ME1: variants seen among roughly 807,000 people sequenced by gnomAD.
ME1 encodes NADP-dependent malic enzyme.
ME1 carries 74 observed loss-of-function variants against 66.4 expected under a neutral mutation model. The observed-to-expected ratio is 1.11, with a 90% CI of 0.92 to 1.35. ME1 has a LOEUF of 1.35. ME1 is among the 40% of genes most tolerant of loss of function. The pLI is 0.00. For synonymous variants in ME1, 251 were observed against 235.6 expected, an observed-to-expected ratio of 1.07 and a Z score of -0.60; for missense variants, 750 against 694.1, an observed-to-expected ratio of 1.08 and a Z score of -0.90.
chr6:83,219,554 T>C (rs1047669853), intron 12 of ME1, among the ~76,000 whole-genome samples: 1 of 152,136 alleles, frequency 6.6e-6, no homozygotes, highest in Non-Finnish European at 1.5e-5. Context: ...ACAGTGTCTG[T>C]CAGAAAAGTA....
intron 6 of ME1, among the ~76,000 whole-genome samples, chr6:83,309,049 G>C (rs1248174689): frequency 6.6e-6 from 1 of 152,088 alleles, no homozygotes. Flanking sequence ...TGGGCAAGGG[G>C]GGAAACTAGG....
At chr6:83,317,927 C>A (rs1028781582) in intron 5 of ME1, among the ~76,000 whole-genome samples, 6 of 152,060 alleles carry the variant, frequency 3.9e-5, no homozygotes, top group Admixed American at 1.3e-4. Flanking sequence ...GTAACCAAAA[C>A]AGCATGGTAC....
At position 83,211,162 on chromosome 6, in the gene ME1, C is replaced by G; in HGVS notation, c.*762G>C. The G allele has an allele frequency of 6.6e-6, 1 of 152,280 alleles. No individual in the cohort carries two copies. The highest frequency in any genetic ancestry group is 1.9e-4 in the East Asian group (1 of 5,188). The allele number at this position is 152,280 out of a possible 1,614,324, so 9.4% of individuals were successfully genotyped here. ...GCTGTGCTGAACTGAAGGTGCCAAC[C>G]TCGGGACAGGGGCCACAGTCCACAA... On this transcript the variant is annotated 3_prime_UTR_variant, in exon 14 of 14. Transcript: ENST00000369705.
intron 10 of ME1, among the ~76,000 whole-genome samples, chr6:83,228,040 CTT>C (rs1224466496): frequency 6.6e-6 from 1 of 152,126 alleles, no homozygotes; most frequent in African/African-American, 2.4e-5. Flanking sequence ...GGAGTAAGTA[CTT>C]CTTTTATTGT....
At chr6:83,313,985 T>C (rs1408965320) in intron 6 of ME1, among the ~76,000 whole-genome samples, 1 of 152,062 alleles carries the variant, frequency 6.6e-6, no homozygotes, top group African/African-American at 2.4e-5. Flanking sequence ...AAATAAACAT[T>C]ATAATAAAAA....
intron 6 of ME1, among the ~76,000 whole-genome samples, chr6:83,289,999 G>A (rs897283708): frequency 2.0e-5 from 3 of 151,946 alleles, no homozygotes; most frequent in African/African-American, 7.3e-5. Flanking sequence ...CATTTTTATT[G>A]CATCTATTTG....
chr6:83,280,021 A>G (rs981424831), intron 6 of ME1, among the ~76,000 whole-genome samples: 1 of 152,182 alleles, frequency 6.6e-6, no homozygotes, highest in Non-Finnish European at 1.5e-5. Flanking sequence ...TGCATCATGT[A>G]ATACACTGAT....
chr6:83,388,085 TCC>T, intron 3 of ME1, among the ~76,000 whole-genome samples: 1 of 137,296 alleles, frequency 7.3e-6, no homozygotes, highest in Non-Finnish European at 1.6e-5. Context: ...TTTCCTTCCT[TCC>T]TTCCTTTTTT....
intron 3 of ME1, among the ~76,000 whole-genome samples, chr6:83,363,005 A>C (rs150894298): frequency 5.1e-4 from 78 of 152,310 alleles, no homozygotes; most frequent in Non-Finnish European, 9.4e-4. Context: ...CTAGGTGACA[A>C]TACTTTGCAG....
intron 6 of ME1, among the ~76,000 whole-genome samples, chr6:83,312,604 G>T (rs936162031): frequency 6.6e-6 from 1 of 152,140 alleles, no homozygotes; most frequent in Admixed American, 6.5e-5. Flanking sequence ...GGAGGTTGAT[G>T]GGCAGAAATT....
intron 9 of ME1, among the ~76,000 whole-genome samples, chr6:83,231,000 A>T (rs972781849): frequency 6.6e-6 from 1 of 152,210 alleles, no homozygotes; most frequent in Non-Finnish European, 1.5e-5. Flanking sequence ...ATGATCTATC[A>T]TATCCCTACC....
chr6:83,316,374 C>T (rs1277656583), intron 5 of ME1, among the ~76,000 whole-genome samples: 2 of 151,652 alleles, frequency 1.3e-5, no homozygotes, highest in African/African-American at 4.8e-5. Context: ...TATAACATAC[C>T]CATTCATAAC....
At chr6:83,236,194 C>G (rs1181028228) in intron 9 of ME1, among the ~76,000 whole-genome samples, 1 of 151,988 alleles carries the variant, frequency 6.6e-6, no homozygotes, top group African/African-American at 2.4e-5. Context: ...TGACAATCAT[C>G]CTTTATTTAG....
At chr6:83,254,431 C>A (rs531745914) in intron 6 of ME1, among the ~76,000 whole-genome samples, 2 of 152,170 alleles carry the variant, frequency 1.3e-5, no homozygotes, top group African/African-American at 4.8e-5. Context: ...TTAATCACTT[C>A]CCAAAAGGCC....
chr6:83,318,183 T>C (rs1307481884), intron 5 of ME1, among the ~76,000 whole-genome samples: 2 of 147,368 alleles, frequency 1.4e-5, no homozygotes, highest in Non-Finnish European at 3.0e-5. Flanking sequence ...ACATTAGACC[T>C]AAAACCATAA....
chr6:83,364,401 T>C (rs181235581), intron 3 of ME1, among the ~76,000 whole-genome samples: 70 of 152,294 alleles, frequency 4.6e-4, no homozygotes, highest in Non-Finnish European at 8.5e-4. Context: ...CCTATATATA[T>C]ATATTCCATT....
intron 5 of ME1, among the ~76,000 whole-genome samples, chr6:83,321,259 A>G (rs1012489033): frequency 2.6e-5 from 4 of 152,080 alleles, no homozygotes; most frequent in Admixed American, 2.6e-4. Context: ...TAGCTGCAGG[A>G]GTTTTTTTTC....
intron 3 of ME1, among the ~76,000 whole-genome samples, chr6:83,378,519 T>G (rs1769337134): frequency 6.6e-6 from 1 of 152,158 alleles, no homozygotes; most frequent in African/African-American, 2.4e-5. Context: ...TACATATGCC[T>G]GTAAATCAGG....
At chr6:83,395,357 A>C (rs1280479591) in intron 3 of ME1, among the ~76,000 whole-genome samples, 1 of 150,972 alleles carries the variant, frequency 6.6e-6, no homozygotes, top group Non-Finnish European at 1.5e-5. Flanking sequence ...AAAGTCCTGG[A>C]ATTACAGGTG....
Sources: allele counts gnomAD v4.1 joint callset (sites outside exome capture counted in the v4.1 genomes callset), GRCh38; gene constraint gnomAD v4.1.1; transcripts MANE v1.5; gene names NCBI Gene and HGNC (gene_info 2026-07-23, HGNC 2026-07-21).